Variants in SLC44A3 observed in about 807,000 individuals in gnomAD.
The protein encoded by SLC44A3 is solute carrier family 44 member 3.
SLC44A3 carries 74 observed loss-of-function variants against 75.4 expected under a neutral mutation model. The ratio of observed to expected loss-of-function variants is 0.98; its 90% CI spans 0.81 to 1.19. SLC44A3 has a LOEUF of 1.19. SLC44A3 is among the 50% of genes most tolerant of loss of function. The pLI is 0.00. For missense variants in SLC44A3, 700 were observed against 778.6 expected, an observed-to-expected ratio of 0.90 and a Z score of 1.20; for synonymous variants, 310 against 296.9, an observed-to-expected ratio of 1.04 and a Z score of -0.45.
At position 94,844,204 on chromosome 1, in the gene SLC44A3, T is replaced by G. The variant is rs113308456; in HGVS notation, c.886-1074T>G. On this transcript the variant is annotated intron_variant, in intron 8 of 14. Transcript: ENST00000271227. ...CACACAAGAGGGGAACCTAACTTAC[T>G]CTTGGAAAGTCTAGAAAAATTAGGG... 5.8e-3 allele frequency among the ~76,000 whole-genome samples: 882 copies of G among 152,290 alleles called. 8 individuals are homozygous for G. The highest frequency in any genetic ancestry group is 0.021 in the African/African-American group (853 of 41,560).
intron 12 of SLC44A3, chr1:94,888,617 A>C: frequency 7.1e-6 from 7 of 979,574 alleles, no homozygotes; most frequent in Non-Finnish European, 8.5e-6. Flanking sequence ...TAAGTCCAAA[A>C]CCAAAATTTC....
At chr1:94,839,833 T>G in intron 6 of SLC44A3, 115 bp from the exon 7 acceptor site, 1 of 761,652 alleles carries the variant, frequency 1.3e-6, no homozygotes, top group African/African-American at 1.7e-5. Context: ...TATTTAGAGA[T>G]TGAATACAAT....
At chr1:94,832,326 G>A (rs1292568504) in intron 5 of SLC44A3, among the ~76,000 whole-genome samples, 2 of 151,442 alleles carry the variant, frequency 1.3e-5, no homozygotes, top group Admixed American at 1.3e-4. Flanking sequence ...AAAATAAGAG[G>A]AATTCCTTAC....
At chr1:94,831,358 T>C (rs112414238) in intron 5 of SLC44A3, among the ~76,000 whole-genome samples, 2 of 152,322 alleles carry the variant, frequency 1.3e-5, no homozygotes, top group South Asian at 2.1e-4. Flanking sequence ...ATATTTATCA[T>C]GGAATAGCAG....
chr1:94,858,986 G>A (rs1022751378), intron 10 of SLC44A3, among the ~76,000 whole-genome samples: 10 of 152,072 alleles, frequency 6.6e-5, no homozygotes, highest in Non-Finnish European at 1.5e-4. Context: ...CACGACACCC[G>A]GCCACCACTG....
chr1:94,857,809 CTTTTTTTTTT>C (rs34204401), intron 10 of SLC44A3, among the ~76,000 whole-genome samples: 3 of 63,968 alleles, frequency 4.7e-5, no homozygotes, highest in African/African-American at 1.6e-4. Context: ...ATGGAGTAGC[CTTTTTTTTTT>C]TTTTTTTTTT....
chr1:94,892,461 C>G lies in SLC44A3; in HGVS notation c.1801C>G (p.Leu601Val), dbSNP rs1288123500. The G allele has an allele frequency of 1.9e-6, 3 of 1,614,054 alleles. No individual in the cohort carries two copies. Among genetic ancestry groups the G allele is most frequent in the Admixed American group, 3.3e-5 (2 of 60,002 alleles). Residue 601 changes from leucine (L) to valine (V), a missense_variant, in exon 14 of 15, where the codon CTG (leucine) becomes GTG (valine). By Grantham distance (32) the Leu-to-Val change is conservative. Coordinates refer to ENST00000271227, the MANE Select transcript of SLC44A3 (RefSeq NM_001114106.3). ...DALFLCFAVD[L>V]ETNDGSSEKP... ...ACTTTTCCTGTGTTTTGCTGTTGAT[C>G]TGGAAACAAATGATGGATCGTCAGA...
intron 9 of SLC44A3, among the ~76,000 whole-genome samples, chr1:94,851,850 C>G (rs956819776): frequency 2.6e-5 from 4 of 152,238 alleles, no homozygotes; most frequent in Admixed American, 6.5e-5. Context: ...AGGCCTGCTT[C>G]CCTTGGGGAA....
intron 7 of SLC44A3, among the ~76,000 whole-genome samples, chr1:94,840,283 C>CTTTTTTTTTTTTTTTTT (rs56383271): frequency 2.6e-5 from 2 of 77,358 alleles, no homozygotes; most frequent in Non-Finnish European, 4.6e-5. Flanking sequence ...TTTCTTTTTC[C>CTTTTTTTTTTTTTTTTT]TTTTTTTTTT....
intron 9 of SLC44A3, 115 bp downstream of exon 9, chr1:94,845,579 G>T: frequency 1.0e-6 from 1 of 967,620 alleles, no homozygotes; most frequent in Non-Finnish European, 1.5e-6. Flanking sequence ...AGAGGTGTCT[G>T]ATGACAGCAG....
At position 94,892,426 on chromosome 1, in the gene SLC44A3, T is replaced by G. The variant is rs1352941856; in HGVS notation, c.1766T>G (p.Val589Gly). 1.9e-6 allele frequency: 3 copies of G among 1,614,104 alleles called. No individual in the cohort carries two copies. Among genetic ancestry groups the G allele is most frequent in the Admixed American group, 3.3e-5 (2 of 60,004 alleles). Residue 589 changes from valine (V) to glycine (G), a missense_variant, in exon 14 of 15, where the codon GTG (valine) becomes GGG (glycine). Transcript: ENST00000271227. ...AGTTTTTTATCTGTGTTTGAAACTG[T>G]GCTGGATGCACTTTTCCTGTGTTTT... is the stretch of plus-strand genomic sequence containing the variant. The part of the protein sequence containing the change: ...AHSFLSVFET[V>G]LDALFLCFAV...
chr1:94,871,309 A>G, intron 12 of SLC44A3, among the ~76,000 whole-genome samples: 1 of 152,238 alleles, frequency 6.6e-6, no homozygotes, highest in East Asian at 1.9e-4. Flanking sequence ...ATCCATCCAG[A>G]AAAGGCTGGT....
At chr1:94,867,815 C>T (rs1200028831) in intron 12 of SLC44A3, among the ~76,000 whole-genome samples, 1 of 151,746 alleles carries the variant, frequency 6.6e-6, no homozygotes, top group Non-Finnish European at 1.5e-5. Flanking sequence ...CTGTAGTTTG[C>T]ATACCCTACC....
intron 8 of SLC44A3, chr1:94,843,183 C>G (rs1438595069): frequency 1.3e-5 from 2 of 152,384 alleles, no homozygotes; most frequent in Non-Finnish European, 2.9e-5. Context: ...TGTTTGTACA[C>G]TGCACCATTT....
chr1:94,852,755 T>C (rs1353422572), intron 9 of SLC44A3, among the ~76,000 whole-genome samples: 2 of 152,236 alleles, frequency 1.3e-5, no homozygotes, highest in Non-Finnish European at 2.9e-5. Flanking sequence ...GTAGAGCAAA[T>C]TGGATTTTCT....
chr1:94,881,996 GGTGAGAGAGC>G (rs1410622388), intron 12 of SLC44A3, among the ~76,000 whole-genome samples: 1 of 151,946 alleles, frequency 6.6e-6, no homozygotes, highest in African/African-American at 2.4e-5. Flanking sequence ...TTCTAGCCTG[GGTGAGAGAGC>G]GAGACTCCAT....
In SLC44A3 at chr1:94,886,408, C is replaced by T. The variant is rs1386025844; in HGVS notation, c.1483-4722C>T. 2.6e-5 allele frequency among the ~76,000 whole-genome samples: 4 copies of T among 152,290 alleles called. No homozygotes were observed. In the East Asian group the frequency reaches 7.7e-4, roughly 29 times the overall value. On this transcript the variant is annotated intron_variant, in intron 12 of 14. Coordinates refer to ENST00000271227, the MANE Select transcript of SLC44A3 (RefSeq NM_001114106.3). Reference sequence around the variant, plus strand: ...ATCAGCCCCACCCACCGAGGGCTGACCCCCGACTCTTCCAGACCTGTTTCC... The same window carrying T: ...ATCAGCCCCACCCACCGAGGGCTGATCCCCGACTCTTCCAGACCTGTTTCC...
chr1:94,884,702 G>A lies in SLC44A3; in HGVS notation c.1483-6428G>A, dbSNP rs543257568. Among the ~76,000 whole-genome samples, 118 of 152,128 alleles carry A rather than the reference G, an allele frequency of 7.8e-4. 1 individual carries two copies. Among genetic ancestry groups the A allele is most frequent in the Non-Finnish European group, 1.4e-3 (95 of 68,036 alleles). On this transcript the variant is annotated intron_variant, in intron 12 of 14. Transcript: ENST00000271227. Reference sequence around the variant, plus strand: ...GAGTCGGCAGAAACCCAGGTTCACAGTTCTGCCACCAAAAGAAGAAAGCAG... The same window carrying A: ...GAGTCGGCAGAAACCCAGGTTCACAATTCTGCCACCAAAAGAAGAAAGCAG...
chr1:94,885,595 C>T (rs1016338147), intron 12 of SLC44A3, among the ~76,000 whole-genome samples: 6 of 152,142 alleles, frequency 3.9e-5, no homozygotes, highest in African/African-American at 1.4e-4. Context: ...GCACAAAGTA[C>T]AGCTCAAAGT....
Sources: gnomAD v4.1 joint callset for allele counts (sites outside exome capture counted in the v4.1 genomes callset) on GRCh38, gnomAD v4.1.1 for gene constraint, MANE v1.5 for transcripts, NCBI Gene and HGNC (gene_info 2026-07-23, HGNC 2026-07-21) for gene names.